The following SLC36A3 variants were observed in gnomAD, a reference collection of about 807,000 sequenced individuals.
SLC36A3 encodes the protein solute carrier family 36 member 3, also known as proton-coupled amino acid transporter 3.
SLC36A3 carries 35 observed loss-of-function variants against 44.3 expected under a neutral mutation model. The ratio of observed to expected loss-of-function variants is 0.79; its 90% CI spans 0.60 to 1.05. The LOEUF (loss-of-function observed/expected upper bound fraction) is 1.05, where lower values mean the gene tolerates loss of function less well. Ranked by LOEUF, SLC36A3 falls within the 50% of genes least tolerant of loss-of-function variation. The pLI is 0.00. For missense variants in SLC36A3, 540 were observed against 578.7 expected (o/e 0.93, Z 0.69); for synonymous variants, 211 against 227.6 (o/e 0.93, Z 0.66).
chr5:151,298,555 T>A (rs1755039783), intron 2 of SLC36A3, 38 bp downstream of exon 2: 1 of 1,605,882 alleles, frequency 6.2e-7, no homozygotes, highest in Admixed American at 1.7e-5. Flanking sequence ...CTTCTGCAAA[T>A]GAGCAAACCT....
At chr5:151,296,454 A>G in intron 2 of SLC36A3, 186 bp from the exon 3 acceptor site, 3 of 615,356 alleles carry the variant, frequency 4.9e-6, no homozygotes, top group Non-Finnish European at 2.9e-6. Context: ...ATCCCTGTAG[A>G]GTGGCTGCCC....
At position 151,293,394 on chromosome 5, in the gene SLC36A3, G is replaced by A. The variant is rs758772578; in HGVS notation, c.374C>T (p.Thr125Ile). 2 of 1,613,806 alleles carry A rather than the reference G, an allele frequency of 1.2e-6. No individual in the cohort carries two copies. The highest frequency in any genetic ancestry group is 1.7e-6 in the Non-Finnish European group (2 of 1,179,782). ...TMYGLETCPN[T>I]WLRAHAVWGR... ...CCACACTGCATGGGCCCTCAGCCAG[G>A]TGTTCGGGCAGGTTTCAAGGCCGTA... The change falls in exon 4 of 10, where the codon ACC becomes ATC. Residue 125 changes from threonine to isoleucine, a missense_variant. Physicochemically the swap from Thr to Ile is moderately conservative, Grantham distance 89 (BLOSUM62 -1). Coordinates refer to ENST00000335230, the MANE Select transcript of SLC36A3 (RefSeq NM_181774.4).
At chr5:151,283,619 G>T (rs1754410339) in intron 8 of SLC36A3, among the ~76,000 whole-genome samples, 2 of 152,168 alleles carry the variant, frequency 1.3e-5, no homozygotes, top group South Asian at 4.1e-4. Context: ...TACAGCTCTG[G>T]ATTTGTGGGA....
Position 151,299,225 on chromosome 5 carries a change from GCTCTCTCTCTCT to G in SLC36A3, c.129-554_129-543del, listed in dbSNP as rs61382152. ...CATTGTGAATATGAATTGCTTGTGC[GCTCTCTCTCTCT>G]CTCTCTCTCTCTCTCTCTCTCTCTC... On this transcript the variant is annotated intron_variant, in intron 1 of 9. Coordinates refer to ENST00000335230, the MANE Select transcript of SLC36A3 (RefSeq NM_181774.4). Among the ~76,000 whole-genome samples the G allele has an allele frequency of 8.4e-3, 777 of 92,298 alleles. 14 individuals carry two copies. Among genetic ancestry groups the G allele is most frequent in the East Asian group, 0.017 (42 of 2,498 alleles). The allele number at this position is 92,298 out of a possible 152,430, so 60.6% of individuals were successfully genotyped here.
chr5:151,302,549 C>T (rs1285231033), intron 1 of SLC36A3, among the ~76,000 whole-genome samples: 1 of 95,456 alleles, frequency 1.0e-5, no homozygotes, highest in African/African-American at 4.2e-5. Flanking sequence ...GGGAGGAGAA[C>T]AAGACAAACA....
Position 151,303,732 on chromosome 5 carries a change from T to A in SLC36A3, c.-378A>T, listed in dbSNP as rs1755243933. The stretch of plus-strand genomic sequence containing the variant: ...TGGGAGGAAGAAGACACCATTGGAT[T>A]GGAGGTCCTGGTGCCTGGACGTGGG... On this transcript the variant is annotated 5_prime_UTR_variant, in exon 1 of 10. Coordinates refer to ENST00000335230, the MANE Select transcript of SLC36A3 (RefSeq NM_181774.4). 5.8e-6 allele frequency: 1 copy of A among 171,140 alleles called. No homozygotes were observed. Among genetic ancestry groups the A allele is most frequent in the Non-Finnish European group, 1.2e-5 (1 of 80,304 alleles). 10.6% of individuals were successfully genotyped at this position (171,140 alleles called of 1,614,324 possible). A position where few individuals can be genotyped will look rare whatever the true frequency, so the allele number is the denominator to read the frequency against.
chr5:151,287,634 A>G (rs373671), intron 5 of SLC36A3, among the ~76,000 whole-genome samples, 170 bp from the exon 6 acceptor site: 108,154 of 152,152 alleles, frequency 0.71, 40,173 homozygotes, highest in East Asian at 0.98. Flanking sequence ...AAATTCTATC[A>G]TAACTGGGTA....
chr5:151,284,243 G>C (rs753226473), intron 7 of SLC36A3, 33 bp from the exon 8 acceptor site: 2 of 1,580,180 alleles, frequency 1.3e-6, no homozygotes, highest in Non-Finnish European at 8.6e-7. Context: ...GGAAAGAAAA[G>C]GTAGAAAGAG....
At position 151,281,032 on chromosome 5, in the gene SLC36A3, C is replaced by G; in HGVS notation, c.1126G>C (p.Ala376Pro). ...ALFVDLSVRS[A>P]LVCLTCVSAI... is the part of the protein sequence containing the mutation. ...TACTCACAGGTTAGACAGACCAAGG[C>G]TGAGCGGACAGACAGGTCTACAAAC... The change falls in exon 9 of 10, where the codon GCC (alanine) becomes CCC (proline). Residue 376 changes from alanine to proline, a missense_variant. By Grantham distance (27) the Ala-to-Pro change is conservative. Coordinates refer to ENST00000335230, the MANE Select transcript of SLC36A3 (RefSeq NM_181774.4). 1 of 1,614,180 alleles carries G rather than the reference C, an allele frequency of 6.2e-7. No homozygotes were observed. Among genetic ancestry groups the G allele is most frequent in the Non-Finnish European group, 8.5e-7 (1 of 1,180,034 alleles).
intron 3 of SLC36A3, among the ~76,000 whole-genome samples, chr5:151,294,999 A>G (rs1002730174): frequency 2.0e-5 from 3 of 152,134 alleles, no homozygotes; most frequent in Non-Finnish European, 4.4e-5. Context: ...ACTGAAGGCC[A>G]TAGCCAACTC....
At chr5:151,278,371 AG>A (rs1269770393) in intron 9 of SLC36A3, among the ~76,000 whole-genome samples, 1 of 150,600 alleles carries the variant, frequency 6.6e-6, no homozygotes, top group East Asian at 2.3e-4. Flanking sequence ...ATAGTATCAC[AG>A]ATTTTCCAAG....
chr5:151,277,513 C>T lies in SLC36A3; in HGVS notation c.1293G>A (p.Lys431=). ...GGCCCACGATGCTAATCATGATGTC[C>T]TTGGCAATGGTGACACAGCTCATGT... ...SEDMSCVTIA[K]DIMISIVGLL... is the part of the protein sequence containing the mutation. Residue 431 remains lysine (K), a synonymous_variant, in exon 10 of 10, where the codon AAG becomes AAA. Coordinates refer to ENST00000335230, the MANE Select transcript of SLC36A3 (RefSeq NM_181774.4). The T allele has an allele frequency of 6.2e-7, 1 of 1,614,192 alleles. No homozygotes were observed. Among genetic ancestry groups the T allele is most frequent in the Non-Finnish European group, 8.5e-7 (1 of 1,180,028 alleles).
intron 9 of SLC36A3, among the ~76,000 whole-genome samples, chr5:151,280,643 G>A (rs1413644894): frequency 5.8e-4 from 88 of 152,158 alleles, no homozygotes; most frequent in Non-Finnish European, 2.9e-5. Flanking sequence ...TAGTGTGTAT[G>A]ACTCAGGTGT....
intron 9 of SLC36A3, among the ~76,000 whole-genome samples, chr5:151,279,334 A>G (rs1402174116): frequency 2.0e-5 from 3 of 152,214 alleles, no homozygotes; most frequent in Non-Finnish European, 4.4e-5. Flanking sequence ...CCTTGCATAT[A>G]TTTGCCACTC....
rs1446394941 is a variant in SLC36A3 at position 151,277,553 on chromosome 5, A to T, written c.1253T>A (p.Ile418Asn). 3 of 1,614,090 alleles carry T rather than the reference A, an allele frequency of 1.9e-6. No homozygotes were observed. The highest frequency in any genetic ancestry group is 2.5e-6 in the Non-Finnish European group (3 of 1,180,036). ...LIIPALLEIV[I>N]FYSEDMSCVT... Reference sequence around the variant, plus strand: ...ACAGCTCATGTCCTCAGAGTAAAAGATGACGATCTCCAGGAGGGCTGGGAT... The same window carrying T: ...ACAGCTCATGTCCTCAGAGTAAAAGTTGACGATCTCCAGGAGGGCTGGGAT... The change falls in exon 10 of 10, where the codon ATC becomes AAC. Residue 418 changes from isoleucine (I) to asparagine (N), a missense_variant. Coordinates refer to ENST00000335230, the MANE Select transcript of SLC36A3 (RefSeq NM_181774.4).
At chr5:151,287,172 C>T (rs1754566478) in intron 6 of SLC36A3, 74 bp downstream of exon 6, 3 of 1,479,230 alleles carry the variant, frequency 2.0e-6, no homozygotes, top group Non-Finnish European at 2.8e-6. Context: ...ACCTGCCCAT[C>T]ATGATAACAA....
At chr5:151,301,701 A>G (rs1035312500) in intron 1 of SLC36A3, among the ~76,000 whole-genome samples, 5 of 148,724 alleles carry the variant, frequency 3.4e-5, no homozygotes, top group African/African-American at 1.2e-4. Flanking sequence ...ACTGCACTCC[A>G]GCCTGGGCGA....
chr5:151,281,532 CAATA>C (rs540861287), intron 8 of SLC36A3, among the ~76,000 whole-genome samples: 69 of 152,176 alleles, frequency 4.5e-4, no homozygotes, highest in African/African-American at 1.6e-3. Flanking sequence ...TTTTAAAAGA[CAATA>C]GCCGGGCGTG....
chr5:151,296,395 T>G (rs539031410), intron 2 of SLC36A3, 127 bp from the exon 3 acceptor site: 58 of 745,302 alleles, frequency 7.8e-5, no homozygotes, highest in Middle Eastern at 3.6e-4. Flanking sequence ...AGACCCAGCC[T>G]GAATGTCCTC....
Sources: allele counts gnomAD v4.1 joint callset (sites outside exome capture counted in the v4.1 genomes callset), GRCh38; gene constraint gnomAD v4.1.1; transcripts MANE v1.5; gene names NCBI Gene and HGNC (gene_info 2026-07-23, HGNC 2026-07-21).